SCAI: variants seen among roughly 807,000 people sequenced by gnomAD.
The protein encoded by SCAI is suppressor of cancer cell invasion, also known as protein SCAI.
In SCAI, 24 loss-of-function variants were observed where a neutral mutation model predicts 92.2. The ratio of observed to expected loss-of-function variants is 0.26; its 90% CI spans 0.19 to 0.37. SCAI has a LOEUF of 0.37. SCAI is among the 10% of genes least tolerant of loss of function. The pLI is 1.00. For synonymous variants in SCAI, 261 were observed against 258.6 expected, an observed-to-expected ratio of 1.01 and a Z score of -0.09; for missense variants, 450 against 736.2, an observed-to-expected ratio of 0.61 and a Z score of 4.50.
chr9:125,107,369 G>A (rs942223393), intron 2 of SCAI, among the ~76,000 whole-genome samples: 3 of 148,744 alleles, frequency 2.0e-5, no homozygotes, highest in Admixed American at 6.7e-5. Context: ...AGATCGCCCC[G>A]CTGCACTCCA....
intron 2 of SCAI, among the ~76,000 whole-genome samples, chr9:125,126,589 T>TGTGTGAGA (rs10680873): frequency 1.1e-4 from 16 of 143,252 alleles, no homozygotes; most frequent in East Asian, 4.2e-4. Context: ...TGTGTGTGTG[T>TGTGTGAGA]GAGAGAGAGA....
rs567165530 is a variant in SCAI at position 125,014,427 on chromosome 9, C to A, written c.861+4372G>T. On this transcript the variant is annotated intron_variant, in intron 9 of 17. Transcript: ENST00000336505. Reference sequence around the variant, plus strand: ...GCCAAATCATGAGTGAACTCCCATTCACAATTGCTTCAAAGAGAATAAAAT... The same window carrying A: ...GCCAAATCATGAGTGAACTCCCATTAACAATTGCTTCAAAGAGAATAAAAT... Among the ~76,000 whole-genome samples, 12 of 152,282 alleles carry A rather than the reference C, an allele frequency of 7.9e-5. No homozygotes were observed. In the South Asian group the frequency reaches 1.7e-3, roughly 21 times the overall value.
intron 2 of SCAI, among the ~76,000 whole-genome samples, chr9:125,093,935 AT>A (rs888163551): frequency 6.6e-6 from 1 of 151,538 alleles, no homozygotes; most frequent in Non-Finnish European, 1.5e-5. Flanking sequence ...CTAACTTTCT[AT>A]TTGTCATCTC....
At chr9:125,119,525 C>A (rs945967289) in intron 2 of SCAI, among the ~76,000 whole-genome samples, 1 of 152,146 alleles carries the variant, frequency 6.6e-6, no homozygotes, top group South Asian at 2.1e-4. Flanking sequence ...ATCCATATTT[C>A]TTCTCTTATA....
chr9:125,076,036 G>A (rs1398081364), intron 2 of SCAI, among the ~76,000 whole-genome samples: 5 of 152,150 alleles, frequency 3.3e-5, no homozygotes, highest in Non-Finnish European at 5.9e-5. Flanking sequence ...ATACAAAGAT[G>A]AGAGCAACAG....
chr9:125,130,936 CTTTTTTTTTTTTTT>C (rs545651994), intron 2 of SCAI, among the ~76,000 whole-genome samples: 6 of 77,274 alleles, frequency 7.8e-5, no homozygotes, highest in African/African-American at 2.5e-4. Context: ...GTTTGAACCG[CTTTTTTTTTTTTTT>C]TTTTTTTTTT....
intron 2 of SCAI, among the ~76,000 whole-genome samples, chr9:125,140,690 CAAAAAAA>C (rs35807255): frequency 1.3e-5 from 1 of 76,508 alleles, no homozygotes; most frequent in Non-Finnish European, 2.5e-5. Context: ...CTTGTCTCTA[CAAAAAAA>C]AAAAAAAAAA....
chr9:124,955,100 G>A (rs1483380603), intron 17 of SCAI, among the ~76,000 whole-genome samples: 2 of 151,338 alleles, frequency 1.3e-5, no homozygotes, highest in African/African-American at 2.4e-5. Flanking sequence ...CCCAAGAGGC[G>A]GAGGTTGCAG....
chr9:125,013,617 C>T (rs1478050036), intron 9 of SCAI, among the ~76,000 whole-genome samples: 1 of 152,170 alleles, frequency 6.6e-6, no homozygotes, highest in African/African-American at 2.4e-5. Context: ...GGAACTGGTA[C>T]CATTCCTTCT....
intron 2 of SCAI, among the ~76,000 whole-genome samples, chr9:125,121,321 T>A (rs1048189005): frequency 6.7e-6 from 1 of 148,836 alleles, no homozygotes; most frequent in Non-Finnish European, 1.5e-5. Context: ...GAATCAAACC[T>A]CTGGGGCATG....
chr9:125,113,285 C>T (rs562268856), intron 2 of SCAI, among the ~76,000 whole-genome samples: 2 of 152,246 alleles, frequency 1.3e-5, no homozygotes, highest in East Asian at 1.9e-4. Context: ...TGCATTTTAC[C>T]TGTGATTTTC....
intron 2 of SCAI, among the ~76,000 whole-genome samples, chr9:125,097,220 G>C (rs533157602): frequency 6.6e-6 from 1 of 152,272 alleles, no homozygotes; most frequent in East Asian, 1.9e-4. Flanking sequence ...ATCACTTGAG[G>C]TCAGAAGTTT....
At chr9:125,131,527 C>G (rs565778725) in intron 2 of SCAI, among the ~76,000 whole-genome samples, 1 of 152,134 alleles carries the variant, frequency 6.6e-6, no homozygotes, top group Admixed American at 6.5e-5. Context: ...TCCAGGAAGC[C>G]CTTGAATGAG....
At chr9:125,082,952 GGGGACTGTTGGGAA>G (rs1288973619) in intron 2 of SCAI, among the ~76,000 whole-genome samples, 10 of 152,304 alleles carry the variant, frequency 6.6e-5, no homozygotes, top group Middle Eastern at 6.8e-3. Context: ...TAAGACTTTG[GGGGACTGTTGGGAA>G]GGCATGATTG....
At chr9:125,035,961 T>C (rs1178279662) in intron 3 of SCAI, among the ~76,000 whole-genome samples, 1 of 152,168 alleles carries the variant, frequency 6.6e-6, no homozygotes, top group Non-Finnish European at 1.5e-5. Context: ...TAGCCATTCT[T>C]TTCTTTCTTT....
chr9:125,110,019 G>A (rs10760392), intron 2 of SCAI, among the ~76,000 whole-genome samples: 70,747 of 152,006 alleles, frequency 0.47, 16,948 homozygotes, highest in East Asian at 0.61. Context: ...TCAAATATCT[G>A]TTTATAGGCC....
rs1831957827 is a variant in SCAI at position 124,984,938 on chromosome 9, T to C, written c.1327-8752A>G. ...ATACAGAAAAATCTGTAGAGGAGAC[T>C]GAAAGGATATGCAGATTCCAGAACT... On this transcript the variant is annotated intron_variant, in intron 14 of 17. Transcript: ENST00000336505. Among the ~76,000 whole-genome samples the C allele has an allele frequency of 2.0e-5, 3 of 152,248 alleles. No individual in the cohort carries two copies. In the South Asian group the frequency reaches 6.2e-4, roughly 32 times the overall value.
In SCAI at chr9:125,042,662, CACACAT is replaced by C. The variant is rs1367663209; in HGVS notation, c.231-12929_231-12924del. 7.3e-4 allele frequency among the ~76,000 whole-genome samples: 107 copies of C among 145,586 alleles called. No individual in the cohort carries two copies. The East Asian group carries it at 0.012, about 16-fold the overall frequency. ...ACACACACACACACACACACACACA[CACACAT>C]ATACAAAAAGAAACATACATACAGG... On this transcript the variant is annotated intron_variant, in intron 3 of 17. Transcript: ENST00000336505.
At chr9:125,003,401 T>A in intron 10 of SCAI, 68 bp downstream of exon 10, 1 of 1,120,308 alleles carries the variant, frequency 8.9e-7, no homozygotes, top group Non-Finnish European at 1.4e-6. Context: ...TGTTGAATAA[T>A]CAGCGTTCCA....
Sources: allele counts gnomAD v4.1 joint callset (sites outside exome capture counted in the v4.1 genomes callset), GRCh38; gene constraint gnomAD v4.1.1; transcripts MANE v1.5; gene names NCBI Gene and HGNC (gene_info 2026-07-23, HGNC 2026-07-21).